ARHGAP24: variants seen among roughly 807,000 people sequenced by gnomAD.
The protein encoded by ARHGAP24 is rho GTPase-activating protein 24.
Under a neutral mutation model 76.4 loss-of-function variants are expected in ARHGAP24, and 50 were observed. That is an observed-to-expected ratio of 0.65 (90% CI 0.52 to 0.83). The LOEUF is 0.83. Ranked by LOEUF, ARHGAP24 falls within the 40% of genes least tolerant of loss-of-function variation. ARHGAP24 has a pLI of 0.00. For missense variants in ARHGAP24, 930 were observed against 914.2 expected (o/e 1.02, Z -0.22); for synonymous variants, 345 against 323.3 (o/e 1.07, Z -0.72).
At chr4:85,921,546 T>TAA (rs57403057) in intron 3 of ARHGAP24, among the ~76,000 whole-genome samples, 20,206 of 151,322 alleles carry the variant, frequency 0.13, 1,555 homozygotes, top group South Asian at 0.29. Context: ...AAAGTTTTTT[T>TAA]AAAAAAAAAG....
At chr4:85,485,545 G>C (rs1269236331) in intron 1 of ARHGAP24, among the ~76,000 whole-genome samples, 2 of 150,866 alleles carry the variant, frequency 1.3e-5, no homozygotes, top group Admixed American at 6.6e-5. Flanking sequence ...ATTGAGAAAA[G>C]ATTTGGGAAG....
rs764692030 is a variant in ARHGAP24, at chr4:85,995,674, G to A, written c.2003+17G>A. 6.2e-7 allele frequency: 1 copy of A among 1,609,960 alleles called. No individual in the cohort carries two copies. ...GATAAAGAGGTAAGGAAAATCTGGA[G>A]GTCGTAACTACCAGAGAGGGCTCAG... is the stretch of plus-strand genomic sequence containing the variant. On this transcript the variant is annotated intron_variant, in intron 9 of 9. Coordinates refer to ENST00000395184, the MANE Select transcript of ARHGAP24 (RefSeq NM_001025616.3).
At chr4:85,943,004 A>G (rs1041718713) in intron 5 of ARHGAP24, among the ~76,000 whole-genome samples, 13 of 152,166 alleles carry the variant, frequency 8.5e-5, no homozygotes, top group Non-Finnish European at 1.5e-4. Context: ...ACATTTTACC[A>G]TTAACAACTT....
chr4:85,750,392 A>C (rs552451014), intron 3 of ARHGAP24, among the ~76,000 whole-genome samples: 2 of 148,120 alleles, frequency 1.4e-5, no homozygotes, highest in African/African-American at 5.0e-5. Flanking sequence ...ATGACTTGTT[A>C]TCTTGCCCCA....
chr4:85,592,596 T>G (rs1033840987), intron 2 of ARHGAP24, among the ~76,000 whole-genome samples: 6 of 152,192 alleles, frequency 3.9e-5, no homozygotes, highest in African/African-American at 1.4e-4. Flanking sequence ...TCTGACTATA[T>G]TTTTGGACAC....
chr4:85,876,824 T>G (rs531509376), intron 3 of ARHGAP24, among the ~76,000 whole-genome samples: 2 of 152,282 alleles, frequency 1.3e-5, no homozygotes, highest in Non-Finnish European at 2.9e-5. Context: ...AATGCTCTTG[T>G]TTTACCACTT....
chr4:85,861,282 C>A (rs190943559), intron 3 of ARHGAP24, among the ~76,000 whole-genome samples: 1 of 152,212 alleles, frequency 6.6e-6, no homozygotes, highest in East Asian at 1.9e-4. Context: ...TTCTGGTGAT[C>A]ACCCTCTTCC....
intron 3 of ARHGAP24, among the ~76,000 whole-genome samples, chr4:85,734,804 TTTGA>T (rs536165428): frequency 1.4e-4 from 21 of 152,094 alleles, no homozygotes; most frequent in Non-Finnish European, 1.3e-4. Context: ...TAATGGGTTC[TTTGA>T]TTGAAAGACA....
intron 2 of ARHGAP24, among the ~76,000 whole-genome samples, chr4:85,680,114 A>G (rs965919311): frequency 2.6e-5 from 4 of 152,152 alleles, no homozygotes; most frequent in African/African-American, 9.7e-5. Context: ...TCAACACCGC[A>G]GTTGATATCA....
intron 2 of ARHGAP24, among the ~76,000 whole-genome samples, chr4:85,607,167 A>G (rs1720221735): frequency 6.6e-6 from 1 of 152,158 alleles, no homozygotes; most frequent in African/African-American, 2.4e-5. Flanking sequence ...GATGAGAATA[A>G]TAGAGTCTGT....
intron 3 of ARHGAP24, among the ~76,000 whole-genome samples, chr4:85,874,991 TA>T (rs1732787152): frequency 8.8e-6 from 1 of 113,354 alleles, no homozygotes; most frequent in African/African-American, 3.6e-5. Context: ...AATTTATATA[TA>T]AATATATATT....
chr4:85,949,195 T>G (rs564685933), intron 5 of ARHGAP24, among the ~76,000 whole-genome samples: 74 of 152,288 alleles, frequency 4.9e-4, no homozygotes, highest in African/African-American at 1.7e-3. Flanking sequence ...TTACTAATAG[T>G]TTCCTCACTG....
chr4:85,922,807 A>C (rs1248214923), intron 3 of ARHGAP24, among the ~76,000 whole-genome samples: 1 of 152,244 alleles, frequency 6.6e-6, no homozygotes, highest in Non-Finnish European at 1.5e-5. Flanking sequence ...GGGGAAACTT[A>C]AATGCGCTAT....
chr4:85,930,726 G>T, intron 4 of ARHGAP24: 5 of 1,282,776 alleles, frequency 3.9e-6, no homozygotes, highest in Non-Finnish European at 4.9e-6. Flanking sequence ...CAAGAGAAAA[G>T]GAAGTTTTTT....
At chr4:85,672,935 C>T (rs999403834) in intron 2 of ARHGAP24, among the ~76,000 whole-genome samples, 2 of 152,186 alleles carry the variant, frequency 1.3e-5, no homozygotes, top group African/African-American at 4.8e-5. Context: ...TTTAACAATA[C>T]ATTGAATATA....
At chr4:85,878,316 C>A (rs1011339765) in intron 3 of ARHGAP24, among the ~76,000 whole-genome samples, 1 of 151,942 alleles carries the variant, frequency 6.6e-6, no homozygotes, top group Non-Finnish European at 1.5e-5. Context: ...TTGTGAATAC[C>A]CCATAATGAA....
chr4:85,812,582 A>G (rs527427141), intron 3 of ARHGAP24, among the ~76,000 whole-genome samples: 1 of 152,262 alleles, frequency 6.6e-6, no homozygotes, highest in East Asian at 1.9e-4. Context: ...TAAAACCCAG[A>G]TTCTGCAGAT....
At chr4:85,947,935 A>C (rs991843035) in intron 5 of ARHGAP24, among the ~76,000 whole-genome samples, 1 of 152,216 alleles carries the variant, frequency 6.6e-6, no homozygotes, top group Non-Finnish European at 1.5e-5. Flanking sequence ...CATGCCTTTT[A>C]CAAAAAGTAT....
chr4:85,697,933 C>T (rs1450841072), intron 2 of ARHGAP24, among the ~76,000 whole-genome samples: 21 of 152,160 alleles, frequency 1.4e-4, no homozygotes, highest in Admixed American at 1.4e-3. Flanking sequence ...CATAGAAATA[C>T]TGAGTCCATT....
Sources: allele counts gnomAD v4.1 joint callset (sites outside exome capture counted in the v4.1 genomes callset), GRCh38; gene constraint gnomAD v4.1.1; transcripts MANE v1.5; gene names NCBI Gene and HGNC (gene_info 2026-07-23, HGNC 2026-07-21).